Variants in POT1 observed in about 807,000 individuals in gnomAD.
POT1 encodes protection of telomeres protein 1.
A neutral mutation model predicts 78.5 loss-of-function variants in POT1; 47 were observed. The ratio of observed to expected loss-of-function variants is 0.60; its 90% CI spans 0.47 to 0.76. The LOEUF is 0.76. Among genes scored for constraint, POT1 ranks in the 30% least tolerant of loss-of-function variants. POT1 has a pLI of 0.00. For synonymous variants in POT1, 259 were observed against 260.7 expected, an observed-to-expected ratio of 0.99 and a Z score of 0.06; for missense variants, 646 against 749.9, an observed-to-expected ratio of 0.86 and a Z score of 1.62.
At chr7:124,895,856 T>C (rs1195897791) in intron 5 of POT1, among the ~76,000 whole-genome samples, 1 of 151,562 alleles carries the variant, frequency 6.6e-6, no homozygotes, top group African/African-American at 2.4e-5. Context: ...ATGACAAGAT[T>C]AGGTTGAATA....
intron 13 of POT1, among the ~76,000 whole-genome samples, chr7:124,841,712 GT>G (rs1426384557): frequency 6.6e-6 from 1 of 151,890 alleles, no homozygotes; most frequent in Non-Finnish European, 1.5e-5. Context: ...CTTTCTTCTG[GT>G]TCTGTTGCCA....
At chr7:124,870,335 G>A (rs1446480823) in intron 7 of POT1, among the ~76,000 whole-genome samples, 1 of 151,794 alleles carries the variant, frequency 6.6e-6, no homozygotes, top group Non-Finnish European at 1.5e-5. Context: ...TTTTAATTGT[G>A]CTATTTAATA....
At chr7:124,920,476 T>C (rs1433814921) in intron 2 of POT1, among the ~76,000 whole-genome samples, 1 of 152,182 alleles carries the variant, frequency 6.6e-6, no homozygotes, top group African/African-American at 2.4e-5. Context: ...TTGATTGTGA[T>C]TGTGGTTACA....
In POT1 at chr7:124,841,109, G is replaced by A. The variant is rs376273583; in HGVS notation, c.1233C>T (p.Val411=). The A allele has an allele frequency of 4.3e-6, 7 of 1,612,668 alleles. No individual in the cohort carries two copies. The highest frequency in any genetic ancestry group is 5.9e-6 in the Non-Finnish European group (7 of 1,179,192). ...CATATAATGATGTATTTTGTAGCTT[G>A]ACATCTGGGGTTTTAGTTGCACCAT... ...FQDGATKTPD[V]KLQNTSLYDS... The change falls in exon 14 of 19, where the codon GTC becomes GTT. Residue 411 remains valine (V), a synonymous_variant. Transcript: ENST00000357628.
At chr7:124,880,533 T>C (rs1348241786) in intron 6 of POT1, among the ~76,000 whole-genome samples, 1 of 152,066 alleles carries the variant, frequency 6.6e-6, no homozygotes, top group Non-Finnish European at 1.5e-5. Context: ...AAGAATGTAA[T>C]GACTACAGAA....
intron 3 of POT1, among the ~76,000 whole-genome samples, chr7:124,900,674 G>C (rs1233545257): frequency 1.3e-5 from 2 of 152,104 alleles, no homozygotes; most frequent in African/African-American, 4.8e-5. Flanking sequence ...GCAGCCCATG[G>C]AGTGTGAGCT....
At chr7:124,854,416 G>T (rs539524440) in intron 9 of POT1, among the ~76,000 whole-genome samples, 2 of 151,784 alleles carry the variant, frequency 1.3e-5, no homozygotes, top group South Asian at 4.2e-4. Context: ...GATTATGGAG[G>T]CTCAATCCTA....
intron 6 of POT1, among the ~76,000 whole-genome samples, chr7:124,885,237 C>A (rs889319642): frequency 1.5e-4 from 20 of 131,998 alleles, no homozygotes; most frequent in African/African-American, 5.8e-4. Context: ...AGAAGGACTG[C>A]TTGAGACCAG....
At chr7:124,869,541 ATAAG>A (rs1435461541) in intron 7 of POT1, among the ~76,000 whole-genome samples, 1 of 152,178 alleles carries the variant, frequency 6.6e-6, no homozygotes, top group South Asian at 2.1e-4. Context: ...TGACGTTTAA[ATAAG>A]TATGTATTAC....
intron 3 of POT1, among the ~76,000 whole-genome samples, chr7:124,901,702 C>T (rs1796624630): frequency 6.6e-6 from 1 of 152,188 alleles, no homozygotes; most frequent in Non-Finnish European, 1.5e-5. Flanking sequence ...CAGAAGTAGG[C>T]TTCAGAAGAT....
At chr7:124,907,027 A>G (rs1442340254) in intron 3 of POT1, among the ~76,000 whole-genome samples, 1 of 152,176 alleles carries the variant, frequency 6.6e-6, no homozygotes, top group Non-Finnish European at 1.5e-5. Flanking sequence ...CTGTGCCAAG[A>G]GTATATTCTG....
intron 6 of POT1, among the ~76,000 whole-genome samples, chr7:124,884,055 G>A (rs968154591): frequency 2.0e-5 from 3 of 151,794 alleles, no homozygotes; most frequent in Non-Finnish European, 4.4e-5. Context: ...AAATTAAAAC[G>A]CAAAATATAT....
Position 124,915,666 on chromosome 7 carries a change from T to A in POT1, c.-226-20A>T, listed in dbSNP as rs947469461. 6.6e-6 allele frequency: 1 copy of A among 151,750 alleles called. No homozygotes were observed. The highest frequency in any genetic ancestry group is 2.1e-4 in the South Asian group (1 of 4,798). 9.4% of individuals were successfully genotyped at this position (151,750 alleles called of 1,614,324 possible). A position where few individuals can be genotyped will look rare whatever the true frequency, so the allele number is the denominator to read the frequency against. The stretch of plus-strand genomic sequence containing the variant: ...TTTTCCCTGAAATGAGAAAAAAAAA[T>A]AGTTACAAAGAGGAGTCAAAGGAGT... On this transcript the variant is annotated intron_variant, in intron 2 of 18. Coordinates refer to ENST00000357628, the MANE Select transcript of POT1 (RefSeq NM_015450.3).
intron 6 of POT1, 120 bp from the exon 7 acceptor site, chr7:124,871,161 G>A: frequency 2.6e-6 from 2 of 776,426 alleles, no homozygotes; most frequent in South Asian, 3.6e-5. Flanking sequence ...TCTTCTAAGA[G>A]GATTAAAACA....
Position 124,851,922 on chromosome 7 carries a change from T to C in POT1, c.899A>G (p.Asn300Ser), listed in dbSNP as rs573222502. ...KDLESANLTA[N>S]QHSDVICQSE... ...TTGACAGATAACATCTGAATGCTGA[T>C]TGGCTGTCAAATTTGCAGATTCTAA... The change falls in exon 11 of 19, where the codon AAT becomes AGT. Residue 300 changes from asparagine (N) to serine (S), a missense_variant. Asn to Ser is a conservative substitution (Grantham distance 46). Around this residue, in one of 2 missense-constraint regions of POT1, gnomAD observed 394 missense variants for 408.4 expected, o/e 0.96. Transcript: ENST00000357628. The C allele has an allele frequency of 4.1e-5, 66 of 1,611,576 alleles. No individual in the cohort carries two copies. The South Asian group carries it at 5.9e-4, about 14-fold the overall frequency.
chr7:124,851,723 A>T, intron 11 of POT1, 149 bp downstream of exon 11: 1 of 646,432 alleles, frequency 1.5e-6, no homozygotes, highest in South Asian at 2.0e-5. Flanking sequence ...ACTTTTTGGC[A>T]TAGGCCACAG....
intron 6 of POT1, among the ~76,000 whole-genome samples, chr7:124,879,678 A>C (rs138841174): frequency 4.7e-4 from 72 of 152,280 alleles, no homozygotes; most frequent in African/African-American, 1.6e-3. Flanking sequence ...TTGAATAGCA[A>C]GATTAAAAAG....
intron 11 of POT1, among the ~76,000 whole-genome samples, chr7:124,850,831 CTTA>C (rs1220779836): frequency 1.3e-5 from 2 of 151,368 alleles, no homozygotes; most frequent in African/African-American, 4.9e-5. Context: ...AATTTTCATG[CTTA>C]TTATTGAGAT....
intron 2 of POT1, among the ~76,000 whole-genome samples, chr7:124,924,169 A>AC (rs1379982263): frequency 2.7e-5 from 4 of 150,040 alleles, no homozygotes; most frequent in Non-Finnish European, 4.4e-5. Context: ...AAAAAAAAAA[A>AC]CCCAAAGGAT....
Sources: gnomAD v4.1 joint callset for allele counts (sites outside exome capture counted in the v4.1 genomes callset) on GRCh38, gnomAD v4.1.1 for gene constraint, gnomAD v4.1.1 regional missense constraint, MANE v1.5 for transcripts, NCBI Gene and HGNC (gene_info 2026-07-23, HGNC 2026-07-21) for gene names.